Variants in PTCHD1 observed in about 807,000 individuals in gnomAD.
PTCHD1 encodes patched domain-containing protein 1.
Under a neutral mutation model 34.6 loss-of-function variants are expected in PTCHD1, and 3 were observed. The ratio of observed to expected loss-of-function variants is 0.09; its 90% confidence interval spans 0.04 to 0.22. The LOEUF (loss-of-function observed/expected upper bound fraction) is 0.22. Ranked by LOEUF, PTCHD1 falls within the 10% of genes least tolerant of loss-of-function variation. PTCHD1 has a pLI of 1.00. For missense variants in PTCHD1, 504 were observed against 685.5 expected, an observed-to-expected ratio of 0.74 and a Z score of 2.96; for synonymous variants, 305 against 283.1, an observed-to-expected ratio of 1.08 and a Z score of -0.77.
At position 23,379,593 on chromosome X, in the gene PTCHD1, G is replaced by A; in HGVS notation, c.354G>A (p.Leu118=). 8.3e-7 allele frequency: 1 copy of A among 1,210,937 alleles called. No homozygotes were observed. Among genetic ancestry groups the A allele is most frequent in the Non-Finnish European group, 1.1e-6 (1 of 894,949 alleles). Residue 118 remains leucine, a splice_region_variant and synonymous_variant, in exon 2 of 3, where the codon TTG becomes TTA. Coordinates refer to ENST00000379361, the MANE Select transcript of PTCHD1 (RefSeq NM_173495.3). The stretch of plus-strand genomic sequence containing the variant: ...GCTGTCATTTTTTTCCCCCACAGTT[G>A]CATGCTGCTGTCACCAAGATCCAGG... The part of the protein sequence containing the change: ...DQHHTDLILK[L]HAAVTKIQVP...
At chrX:23,366,953 C>G (rs1196044285) in intron 1 of PTCHD1, among the ~76,000 whole-genome samples, 3 of 108,091 alleles carry the variant, frequency 2.8e-5, no homozygotes, top group African/African-American at 1.0e-4. Flanking sequence ...CACACACACA[C>G]CCCTGCATCC....
chrX:23,375,493 G>A (rs1374473467), intron 1 of PTCHD1, among the ~76,000 whole-genome samples: 5 of 110,207 alleles, frequency 4.5e-5, no homozygotes, highest in South Asian at 7.8e-4. Flanking sequence ...GGGTTTCACC[G>A]TGGTCTCGAT....
intron 1 of PTCHD1, among the ~76,000 whole-genome samples, chrX:23,373,398 C>G (rs1049864008): frequency 3.5e-5 from 4 of 112,810 alleles, no homozygotes; most frequent in African/African-American, 1.3e-4. Flanking sequence ...GAGCATGGCA[C>G]CAGGCACACA....
At chrX:23,384,346 G>C (rs139129101) in intron 2 of PTCHD1, among the ~76,000 whole-genome samples, 161 of 112,282 alleles carry the variant, frequency 1.4e-3, no homozygotes, top group African/African-American at 4.8e-3. Context: ...TCAGATGTCA[G>C]ATCCAGGGTG....
rs553872738 is a variant in PTCHD1 at position 23,391,867 on chromosome X, T to C, written c.1013-664T>C. Among the ~76,000 whole-genome samples, 541 of 110,567 alleles carry C rather than the reference T, an allele frequency of 4.9e-3. 1 individual carries two copies. The highest frequency in any genetic ancestry group is 0.017 in the African/African-American group (521 of 30,307). ...ATGCACAAGTCTAATCAGCTTTTAT[T>C]CTTTTTAGAGTCAGGGTCTTGCCCT... On this transcript the variant is annotated intron_variant, in intron 2 of 2. Transcript: ENST00000379361.
intron 1 of PTCHD1, among the ~76,000 whole-genome samples, chrX:23,342,266 CTATATATATATATATATATATA>C (rs1194698667): frequency 1.6e-3 from 49 of 31,244 alleles, no homozygotes; most frequent in Non-Finnish European, 2.6e-3. Flanking sequence ...GTGTTTCTCC[CTATATATATATATATATATATA>C]TATATATATA....
At chrX:23,351,300 C>A in intron 1 of PTCHD1, 1 of 856,387 alleles carries the variant, frequency 1.2e-6, no homozygotes, top group Non-Finnish European at 1.7e-6. Context: ...AGATGTTGGA[C>A]AACTTACACA....
At chrX:23,371,517 A>C (rs962522882) in intron 1 of PTCHD1, among the ~76,000 whole-genome samples, 1 of 111,855 alleles carries the variant, frequency 8.9e-6, no homozygotes, top group African/African-American at 3.3e-5. Context: ...GACTGTCTTT[A>C]GTCATAGGTC....
chrX:23,375,221 A>G (rs372552868), intron 1 of PTCHD1, among the ~76,000 whole-genome samples: 1 of 110,049 alleles, frequency 9.1e-6, no homozygotes, highest in African/African-American at 3.3e-5. Flanking sequence ...CAGATCTCCA[A>G]TTGTGGCCAT....
intron 1 of PTCHD1, among the ~76,000 whole-genome samples, chrX:23,351,705 G>T (rs745307152): frequency 8.9e-6 from 1 of 112,563 alleles, no homozygotes; most frequent in African/African-American, 3.2e-5. Flanking sequence ...CCGCTGCTCA[G>T]AGTTGAAGGA....
intron 1 of PTCHD1, among the ~76,000 whole-genome samples, chrX:23,365,515 G>A (rs753566580): frequency 1.8e-5 from 2 of 111,098 alleles, no homozygotes; most frequent in Non-Finnish European, 3.8e-5. Flanking sequence ...GAAAGAGGAA[G>A]GAGCCTAAAA....
rs1569139428 is a variant in PTCHD1, at chrX:23,377,578, GTGT to G, written c.352-2012_352-2010del. On this transcript the variant is annotated intron_variant, in intron 1 of 2. Transcript: ENST00000379361. Reference sequence around the variant, plus strand: ...GCTGTGAAAATAGCCTCCTAGGGGTGTGTGTGTGTGTGTGTGTGTGTGTGTGTG... The same window carrying G: ...GCTGTGAAAATAGCCTCCTAGGGGTGGTGTGTGTGTGTGTGTGTGTGTGTG... Among the ~76,000 whole-genome samples, 17 of 83,340 alleles carry G rather than the reference GTGT, an allele frequency of 2.0e-4. No homozygotes were observed. The East Asian group carries it at 2.7e-3, about 13-fold the overall frequency. 72.4% of individuals were successfully genotyped at this position (83,340 alleles called of 115,157 possible). A position where few individuals can be genotyped will look rare whatever the true frequency, so the allele number is the denominator to read the frequency against.
intron 2 of PTCHD1, among the ~76,000 whole-genome samples, chrX:23,380,881 T>C (rs1234343846): frequency 3.6e-5 from 4 of 110,986 alleles, no homozygotes; most frequent in African/African-American, 1.3e-4. Context: ...TGCCAGCACT[T>C]CCCAGGGAGG....
chrX:23,335,266 CG>C lies in PTCHD1; in HGVS notation c.351+42del, dbSNP rs753424105. 43 of 1,078,780 alleles carry C rather than the reference CG, an allele frequency of 4.0e-5. No homozygotes were observed. In the South Asian group the frequency reaches 6.2e-4, roughly 16 times the overall value. The allele number at this position is 1,078,780 out of a possible 1,213,427, so 88.9% of individuals were successfully genotyped here. On this transcript the variant is annotated intron_variant, in intron 1 of 2. Transcript: ENST00000379361. The stretch of plus-strand genomic sequence containing the variant: ...GTGCGGGCAGACTCCGCCAGCGCCG[CG>C]GCCGCGGTCGGGCTGGCTCTGCGCT...
At chrX:23,342,285 TATATATATATATATATATATATATA>T (rs770657444) in intron 1 of PTCHD1, among the ~76,000 whole-genome samples, 6,734 of 15,912 alleles carry the variant, frequency 0.42, 378 homozygotes, top group South Asian at 0.65. Context: ...TATATATATA[TATATATATATATATATATATATATA>T]TTTTTTTTTT....
chrX:23,376,759 G>T (rs1419860573), intron 1 of PTCHD1, among the ~76,000 whole-genome samples: 1 of 111,726 alleles, frequency 9.0e-6, no homozygotes, highest in East Asian at 2.8e-4. Context: ...TAGGTGGGTG[G>T]CCTCAGCCAA....
upstream of PTCHD1, chrX:23,334,809 G>T: frequency 2.8e-6 from 2 of 720,115 alleles, no homozygotes; most frequent in Non-Finnish European, 3.5e-6. Flanking sequence ...CGCCGCCGCC[G>T]CCGCCGCCGC....
At chrX:23,370,447 C>T (rs1371439410) in intron 1 of PTCHD1, among the ~76,000 whole-genome samples, 1 of 112,092 alleles carries the variant, frequency 8.9e-6, no homozygotes, top group Non-Finnish European at 1.9e-5. Flanking sequence ...TGAAATGCTC[C>T]TGTGATTTTT....
intron 1 of PTCHD1, among the ~76,000 whole-genome samples, chrX:23,353,385 G>A (rs746254360): frequency 8.9e-6 from 1 of 112,329 alleles, no homozygotes; most frequent in East Asian, 2.8e-4. Context: ...TTGGGAGTTC[G>A]AGACCAGCCT....
Sources: gnomAD v4.1 joint callset for allele counts (sites outside exome capture counted in the v4.1 genomes callset) on GRCh38, gnomAD v4.1.1 for gene constraint, MANE v1.5 for transcripts, NCBI Gene and HGNC (gene_info 2026-07-23, HGNC 2026-07-21) for gene names.